The following PRKN variants were observed in gnomAD, a reference collection of about 807,000 sequenced individuals.
PRKN encodes E3 ubiquitin-protein ligase parkin.
A neutral mutation model predicts 59.5 loss-of-function variants in PRKN; 56 were observed. The ratio of observed to expected loss-of-function variants is 0.94; its 90% CI spans 0.76 to 1.18. The LOEUF is 1.18. PRKN is among the 50% of genes most tolerant of loss of function. The pLI is 0.00. For missense variants in PRKN, 657 were observed against 596.4 expected (o/e 1.10, Z -1.06); for synonymous variants, 250 against 222.1 (o/e 1.13, Z -1.12).
chr6:162,192,721 A>G (rs182423372), intron 4 of PRKN, among the ~76,000 whole-genome samples: 45 of 152,238 alleles, frequency 3.0e-4, no homozygotes, highest in African/African-American at 1.0e-3. Context: ...AAGTAATGCA[A>G]TAAGTAACAT....
intron 6 of PRKN, among the ~76,000 whole-genome samples, chr6:161,820,416 T>A (rs1189081041): frequency 6.6e-6 from 1 of 150,840 alleles, no homozygotes; most frequent in Non-Finnish European, 1.5e-5. Flanking sequence ...TATGAAGATG[T>A]TTATTACAAA....
intron 3 of PRKN, among the ~76,000 whole-genome samples, chr6:162,231,929 C>T (rs62429394): frequency 0.01 from 1,567 of 152,250 alleles, 13 homozygotes; most frequent in Non-Finnish European, 0.016. Flanking sequence ...TAATAAGGGC[C>T]TGGCTGGGTT....
intron 1 of PRKN, among the ~76,000 whole-genome samples, chr6:162,679,826 C>T (rs1041775494): frequency 2.0e-5 from 3 of 152,088 alleles, no homozygotes; most frequent in African/African-American, 7.2e-5. Flanking sequence ...TCTATTTTGC[C>T]TCTGACCCAT....
intron 6 of PRKN, among the ~76,000 whole-genome samples, chr6:161,917,649 G>A (rs1778620112): frequency 6.6e-6 from 1 of 152,156 alleles, no homozygotes; most frequent in Non-Finnish European, 1.5e-5. Flanking sequence ...AATCCTAAGA[G>A]ATTTACAGAC....
chr6:161,743,374 C>T (rs1287186658), intron 7 of PRKN, among the ~76,000 whole-genome samples: 2 of 140,292 alleles, frequency 1.4e-5, no homozygotes, highest in Non-Finnish European at 3.1e-5. Flanking sequence ...CGCCCGCCAC[C>T]ACATCCAGCT....
chr6:162,281,314 T>C (rs1307728885), intron 2 of PRKN, among the ~76,000 whole-genome samples: 28 of 151,966 alleles, frequency 1.8e-4, no homozygotes, highest in Admixed American at 1.8e-3. Flanking sequence ...ATACCTAATG[T>C]AAATGATGAG....
intron 7 of PRKN, among the ~76,000 whole-genome samples, chr6:161,590,030 C>A (rs1781661594): frequency 6.6e-6 from 1 of 151,724 alleles, no homozygotes; most frequent in Non-Finnish European, 1.5e-5. Flanking sequence ...CTCAGATGAT[C>A]CACGCACCTT....
intron 2 of PRKN, among the ~76,000 whole-genome samples, chr6:162,327,849 G>A (rs1157228400): frequency 6.6e-6 from 1 of 152,078 alleles, no homozygotes; most frequent in South Asian, 2.1e-4. Context: ...CTGGGTGGAT[G>A]GGCCAAGGGA....
intron 1 of PRKN, among the ~76,000 whole-genome samples, chr6:162,683,513 A>G (rs1306746660): frequency 6.6e-6 from 1 of 152,184 alleles, no homozygotes; most frequent in Admixed American, 6.5e-5. Context: ...AAGATGGACT[A>G]TGCTATATAA....
intron 5 of PRKN, among the ~76,000 whole-genome samples, chr6:162,014,470 C>T (rs1329079831): frequency 6.6e-6 from 1 of 152,182 alleles, no homozygotes; most frequent in Non-Finnish European, 1.5e-5. Context: ...CACTGTGACT[C>T]AGTCCACTTT....
At position 161,499,132 on chromosome 6, in the gene PRKN, A is replaced by ACACACAT. The variant is rs1554267941; in HGVS notation, c.1083+49721_1083+49722insATGTGTG. On this transcript the variant is annotated intron_variant, in intron 9 of 11. Coordinates refer to ENST00000366898, the MANE Select transcript of PRKN (RefSeq NM_004562.3). This position sits in a 1 kb window ranked among gnomAD's most constrained non-coding sequence, Gnocchi z 4.2. The stretch of plus-strand genomic sequence containing the variant: ...AGGGTCTGGACACACACACACACAC[A>ACACACAT]TTTTTTTTTTTTTTTTGGCTCACAG... 7.3e-6 allele frequency among the ~76,000 whole-genome samples: 1 copy of ACACACAT among 136,564 alleles called. No homozygotes were observed. Among genetic ancestry groups the ACACACAT allele is most frequent in the Non-Finnish European group, 1.6e-5 (1 of 63,808 alleles). The allele number at this position is 136,564 out of a possible 152,430, so 89.6% of individuals were successfully genotyped here. A position where few individuals can be genotyped will look rare whatever the true frequency, so the allele number is the denominator to read the frequency against.
chr6:162,106,681 A>G (rs1447203929), intron 4 of PRKN, among the ~76,000 whole-genome samples: 1 of 152,202 alleles, frequency 6.6e-6, no homozygotes, highest in Non-Finnish European at 1.5e-5. Flanking sequence ...AACAACTTTA[A>G]CAAGTTCACG....
chr6:161,821,478 ATGT>A (rs1188458477), intron 6 of PRKN, among the ~76,000 whole-genome samples: 1 of 152,114 alleles, frequency 6.6e-6, no homozygotes, highest in Non-Finnish European at 1.5e-5. Context: ...ATTACAAATA[ATGT>A]TGTATGAAAC....
At position 162,214,358 on chromosome 6, in the gene PRKN, ACTG is replaced by A. The variant is rs1432980463; in HGVS notation, c.413-13109_413-13107del. Among the ~76,000 whole-genome samples, 3 of 152,086 alleles carry A rather than the reference ACTG, an allele frequency of 2.0e-5. No homozygotes were observed. In the East Asian group the frequency reaches 5.8e-4, roughly 29 times the overall value. ...AGTCAAGACAGAAACCACAGCACAGACTGCCTCCTCTCCTTTCTTCAGGGTTGG... is the reference window on the plus strand; with the variant it reads ...AGTCAAGACAGAAACCACAGCACAGACCTCCTCTCCTTTCTTCAGGGTTGG... On this transcript the variant is annotated intron_variant, in intron 3 of 11. Coordinates refer to ENST00000366898, the MANE Select transcript of PRKN (RefSeq NM_004562.3).
At chr6:162,539,354 GAT>G (rs1169477580) in intron 1 of PRKN, among the ~76,000 whole-genome samples, 1 of 152,140 alleles carries the variant, frequency 6.6e-6, no homozygotes, top group East Asian at 1.9e-4. Context: ...CCTGACCAAT[GAT>G]ATTTCATAAT....
chr6:161,680,726 C>CATACATACATATATAT (rs1785285558), intron 7 of PRKN, among the ~76,000 whole-genome samples: 1 of 51,038 alleles, frequency 2.0e-5, no homozygotes, highest in Admixed American at 3.4e-4. Flanking sequence ...TCCTGAAATA[C>CATACATACATATATAT]ATATATATAT....
intron 2 of PRKN, among the ~76,000 whole-genome samples, chr6:162,335,378 T>C (rs1256230607): frequency 6.6e-6 from 1 of 152,078 alleles, no homozygotes; most frequent in Non-Finnish European, 1.5e-5. Context: ...TATCGCATAA[T>C]TAATAGACTA....
intron 7 of PRKN, among the ~76,000 whole-genome samples, chr6:161,616,618 GTTC>G (rs1214699896): frequency 6.6e-6 from 1 of 151,574 alleles, no homozygotes; most frequent in Non-Finnish European, 1.5e-5. Context: ...GTATCCATAT[GTTC>G]TCACTGTTCA....
intron 4 of PRKN, among the ~76,000 whole-genome samples, chr6:162,198,011 T>C (rs1259350236): frequency 6.6e-6 from 1 of 152,090 alleles, no homozygotes. Context: ...TTTGGTAGAA[T>C]GAAGGGCAGG....
Sources: allele counts gnomAD v4.1 joint callset (sites outside exome capture counted in the v4.1 genomes callset), GRCh38; gene constraint gnomAD v4.1.1; non-coding constraint Gnocchi (gnomAD v3.1); transcripts MANE v1.5; gene names NCBI Gene and HGNC (gene_info 2026-07-23, HGNC 2026-07-21).